PAAF1: variants seen among roughly 807,000 people sequenced by gnomAD.
PAAF1 encodes proteasomal ATPase-associated factor 1.
A neutral mutation model predicts 52.8 loss-of-function variants in PAAF1; 46 were observed. The observed-to-expected ratio is 0.87, with a 90% CI of 0.69 to 1.11. The LOEUF (loss-of-function observed/expected upper bound fraction) is 1.11. Among genes scored for constraint, PAAF1 ranks in the 50% most tolerant of loss-of-function variants. PAAF1 has a pLI of 0.00. For synonymous variants in PAAF1, 178 were observed against 172.8 expected, an observed-to-expected ratio of 1.03 and a Z score of -0.24; for missense variants, 424 against 477.4, an observed-to-expected ratio of 0.89 and a Z score of 1.04.
chr11:73,897,000 T>C (rs374520072), intron 4 of PAAF1, among the ~76,000 whole-genome samples: 58,885 of 112,470 alleles, frequency 0.52, 15,261 homozygotes, highest in African/African-American at 0.71. Context: ...ACCTCCCTCC[T>C]GGACGGGGCG....
intron 4 of PAAF1, among the ~76,000 whole-genome samples, chr11:73,896,968 G>A (rs1378307277): frequency 2.8e-5 from 4 of 144,120 alleles, no homozygotes; most frequent in Admixed American, 1.4e-4. Flanking sequence ...GCGGCTGGCC[G>A]GGCGGGGGGG....
At chr11:73,919,133 C>A in intron 10 of PAAF1, 101 bp downstream of exon 10, 1 of 1,009,342 alleles carries the variant, frequency 9.9e-7, no homozygotes. Context: ...GCATGGTCCC[C>A]CATGATTCTT....
intron 3 of PAAF1, among the ~76,000 whole-genome samples, chr11:73,890,031 A>G (rs1015993623): frequency 6.6e-6 from 1 of 152,222 alleles, no homozygotes; most frequent in African/African-American, 2.4e-5. Context: ...GTTGGATATA[A>G]AGAGGTTCAG....
intron 11 of PAAF1, 67 bp from the exon 12 acceptor site, chr11:73,927,218 A>T (rs996978336): frequency 8.3e-7 from 1 of 1,200,836 alleles, no homozygotes; most frequent in African/African-American, 1.5e-5. Context: ...TGTCAATCAT[A>T]AGCCTCCATC....
At chr11:73,893,738 C>CAA (rs564348245) in intron 4 of PAAF1, among the ~76,000 whole-genome samples, 184 of 71,746 alleles carry the variant, frequency 2.6e-3, no homozygotes, top group Non-Finnish European at 3.4e-3. Context: ...ACTCTGTCTC[C>CAA]AAAAAAAAAA....
At chr11:73,889,172 A>G (rs1565128049) in intron 3 of PAAF1, 4 of 1,528,238 alleles carry the variant, frequency 2.6e-6, no homozygotes, top group Admixed American at 2.0e-5. Flanking sequence ...TCATACTCAG[A>G]CCTGGATACA....
At chr11:73,901,733 C>G (rs1344458742) in intron 6 of PAAF1, among the ~76,000 whole-genome samples, 2 of 151,926 alleles carry the variant, frequency 1.3e-5, no homozygotes, top group Admixed American at 1.3e-4. Context: ...CCACACCTGG[C>G]TAATTTTTGT....
chr11:73,889,350 T>C (rs1175537148), intron 3 of PAAF1: 11 of 647,316 alleles, frequency 1.7e-5, no homozygotes, highest in Non-Finnish European at 4.5e-6. Flanking sequence ...TCTGTCATTA[T>C]GCTTAAATGT....
Position 73,878,816 on chromosome 11 carries a change from C to G in PAAF1, c.85C>G (p.Pro29Ala). The G allele has an allele frequency of 6.2e-7, 1 of 1,613,320 alleles. No homozygotes were observed. The highest frequency in any genetic ancestry group is 1.3e-5 in the African/African-American group (1 of 75,008). ...EGEAWLSCHP[P>A]GKPSLYGSLT... ...GGAGGCCTGGCTGAGCTGTCATCCC[C>G]CAGGTAATACCCATGAATTATATAT... The change falls in exon 2 of 12, where the codon CCA (proline) becomes GCA (alanine). Residue 29 changes from proline (P) to alanine (A), a missense_variant. Coordinates refer to ENST00000310571, the MANE Select transcript of PAAF1 (RefSeq NM_025155.3).
chr11:73,893,738 C>CAAA (rs564348245), intron 4 of PAAF1, among the ~76,000 whole-genome samples: 145 of 71,938 alleles, frequency 2.0e-3, no homozygotes, highest in Non-Finnish European at 3.0e-3. Flanking sequence ...ACTCTGTCTC[C>CAAA]AAAAAAAAAA....
intron 2 of PAAF1, chr11:73,879,439 A>G (rs1948832339): frequency 6.6e-6 from 1 of 152,230 alleles, no homozygotes; most frequent in Admixed American, 6.5e-5. Flanking sequence ...CATTCACAGG[A>G]TTCTTTTCAA....
At chr11:73,900,551 C>T in intron 6 of PAAF1, 131 bp downstream of exon 6, 2 of 1,032,764 alleles carry the variant, frequency 1.9e-6, no homozygotes, top group Non-Finnish European at 2.7e-6. Context: ...AGATGAGCTG[C>T]CATTTCCCTA....
At chr11:73,924,174 G>C (rs374529624) in intron 10 of PAAF1, among the ~76,000 whole-genome samples, 1 of 152,172 alleles carries the variant, frequency 6.6e-6, no homozygotes, top group African/African-American at 2.4e-5. Flanking sequence ...GCCCACATAG[G>C]CCGGGTATGG....
chr11:73,907,535 C>CT, intron 6 of PAAF1, among the ~76,000 whole-genome samples: 1 of 152,292 alleles, frequency 6.6e-6, no homozygotes, highest in African/African-American at 2.4e-5. Flanking sequence ...TGACTGACAC[C>CT]TGGGAAGGGG....
At chr11:73,896,977 G>C (rs546565284) in intron 4 of PAAF1, among the ~76,000 whole-genome samples, 2 of 139,014 alleles carry the variant, frequency 1.4e-5, no homozygotes, top group East Asian at 2.2e-4. Flanking sequence ...CGGGCGGGGG[G>C]GCTGACCCCC....
rs534401479 is a variant in PAAF1 at position 73,887,181 on chromosome 11, C to A, written c.89-173C>A. ...TAGCAACACTAAACAGACTAAGACACCTAATCTAATTCTCTTTTTACTTCA... is the reference window on the plus strand; with the variant it reads ...TAGCAACACTAAACAGACTAAGACAACTAATCTAATTCTCTTTTTACTTCA... On this transcript the variant is annotated intron_variant, in intron 2 of 11. Transcript: ENST00000310571. The A allele has an allele frequency of 5.6e-6, 3 of 531,928 alleles. No individual in the cohort carries two copies. The South Asian group carries it at 6.4e-5, about 11-fold the overall frequency. 33.0% of individuals were successfully genotyped at this position (531,928 alleles called of 1,614,324 possible). A position where few individuals can be genotyped will look rare whatever the true frequency, so the allele number is the denominator to read the frequency against.
intron 10 of PAAF1, among the ~76,000 whole-genome samples, chr11:73,920,123 G>A (rs964604327): frequency 2.0e-5 from 3 of 151,956 alleles, no homozygotes; most frequent in Non-Finnish European, 4.4e-5. Context: ...ATAACATTTG[G>A]GAAAACCTGA....
intron 11 of PAAF1, among the ~76,000 whole-genome samples, chr11:73,926,690 C>G (rs960773567): frequency 6.6e-6 from 1 of 152,120 alleles, no homozygotes; most frequent in Admixed American, 6.5e-5. Flanking sequence ...GCCTGAGCGA[C>G]GGAGCAAGAG....
At chr11:73,913,542 A>C (rs1438806524) in intron 7 of PAAF1, among the ~76,000 whole-genome samples, 1 of 152,118 alleles carries the variant, frequency 6.6e-6, no homozygotes, top group Non-Finnish European at 1.5e-5. Context: ...ATTTTATTTT[A>C]TTTTAGAACT....
Sources: allele counts gnomAD v4.1 joint callset (sites outside exome capture counted in the v4.1 genomes callset), GRCh38; gene constraint gnomAD v4.1.1; transcripts MANE v1.5; gene names NCBI Gene and HGNC (gene_info 2026-07-23, HGNC 2026-07-21).